The following MYRF variants were observed in gnomAD, a reference collection of about 807,000 sequenced individuals.
The protein encoded by MYRF is myelin gene regulatory factor.
In MYRF, 16 loss-of-function variants were observed where a neutral mutation model predicts 126.3. The ratio of observed to expected loss-of-function variants is 0.13; its 90% CI spans 0.09 to 0.19. The LOEUF is 0.19. MYRF is among the 10% of genes least tolerant of loss of function. The pLI, the probability that MYRF is intolerant of heterozygous loss-of-function variation, is 1.00. For synonymous variants in MYRF, 608 were observed against 635.3 expected (o/e 0.96, Z 0.65); for missense variants, 1,104 against 1,547.0 (o/e 0.71, Z 4.80).
intron 14 of MYRF, 80 bp from the exon 15 acceptor site, chr11:61,779,183 A>G (rs2066472413): frequency 1.4e-6 from 2 of 1,441,192 alleles, no homozygotes; most frequent in African/African-American, 1.4e-5. Context: ...CTGCCCCCTG[A>G]TGTCTGGCAG....
chr11:61,783,511 A>G lies in MYRF; in HGVS notation c.3030A>G (p.Ala1010=), dbSNP rs755619124. 6.2e-7 allele frequency: 1 copy of G among 1,613,698 alleles called. No individual in the cohort carries two copies. The highest frequency in any genetic ancestry group is 8.5e-7 in the Non-Finnish European group (1 of 1,179,912). Residue 1010 remains alanine (A), a synonymous_variant, in exon 23 of 27, where the codon GCA becomes GCG. Transcript: ENST00000278836. The surrounding 1 kb of genome is among the most constrained non-coding windows in gnomAD (Gnocchi z 4.6). ...WAQGQSASLL[A]EPVPSLTSIQ... is the part of the protein sequence containing the mutation. ...CTGCCCCAACAGCCTCTCTCCTTGCAGAGCCAGTGCCCTCCCTGACCTCCA... is the reference window on the plus strand; with the variant it reads ...CTGCCCCAACAGCCTCTCTCCTTGCGGAGCCAGTGCCCTCCCTGACCTCCA...
chr11:61,772,549 G>A (rs2066257307), intron 7 of MYRF, among the ~76,000 whole-genome samples: 1 of 152,374 alleles, frequency 6.6e-6, no homozygotes, highest in East Asian at 1.9e-4. Context: ...GGCTTTGGGG[G>A]AATTCTTAGC....
intron 1 of MYRF, among the ~76,000 whole-genome samples, 195 bp from the exon 2 acceptor site, chr11:61,765,430 C>T (rs1468449978): frequency 6.6e-6 from 1 of 152,078 alleles, no homozygotes; most frequent in Admixed American, 6.5e-5. Context: ...GGCGGGGGGG[C>T]ATTATCAGTG....
In MYRF at chr11:61,779,554, C is replaced by T. The variant is rs751382867; in HGVS notation, c.2231C>T (p.Pro744Leu). The T allele has an allele frequency of 2.0e-6, 3 of 1,503,926 alleles. No individual in the cohort carries two copies. The South Asian group carries it at 4.1e-5, about 21-fold the overall frequency. 93.2% of individuals were successfully genotyped at this position (1,503,926 alleles called of 1,614,324 possible). ...AGCGTCCCCCACAAGAAGAGGCCCC[C>T]CAAGGTGGCCAGCAAGGTAGGGGTG... ...AGSVPHKKRP[P>L]KVASKSSSVV... Residue 744 changes from proline (P) to leucine (L), a missense_variant, in exon 16 of 27, where the codon CCC becomes CTC. Physicochemically the swap from Pro to Leu is moderately conservative, Grantham distance 98 (BLOSUM62 -3). Around this residue, in one of 10 missense-constraint regions of MYRF, gnomAD observed 323 missense variants for 383.1 expected, o/e 0.84. Transcript: ENST00000278836.
intron 1 of MYRF, among the ~76,000 whole-genome samples, chr11:61,754,781 G>A (rs555928421): frequency 7.9e-5 from 12 of 152,318 alleles, no homozygotes; most frequent in Admixed American, 3.3e-4. Flanking sequence ...GAGGCTGCCC[G>A]TCTAGGAGGG....
At chr11:61,785,481 G>A (rs2066670821) in intron 25 of MYRF, 1 of 369,296 alleles carries the variant, frequency 2.7e-6, no homozygotes, top group Non-Finnish European at 5.0e-6. Flanking sequence ...GGATTGTACT[G>A]AGGATGGGGC....
In MYRF at chr11:61,772,054, C is replaced by T; in HGVS notation, c.1115+102C>T. On this transcript the variant is annotated intron_variant, in intron 7 of 26. Coordinates refer to ENST00000278836, the MANE Select transcript of MYRF (RefSeq NM_001127392.3). Reference sequence around the variant, plus strand: ...TCCTGGAGCAGGGCCTGGGAGCACTCATTTCACAGAAGAGCAAACAGGCTC... The same window carrying T: ...TCCTGGAGCAGGGCCTGGGAGCACTTATTTCACAGAAGAGCAAACAGGCTC... 3 of 1,494,116 alleles carry T rather than the reference C, an allele frequency of 2.0e-6. 1 individual carries two copies. The highest frequency in any genetic ancestry group is 2.5e-5 in the South Asian group (2 of 78,888). 92.6% of individuals were successfully genotyped at this position (1,494,116 alleles called of 1,614,324 possible).
Position 61,773,959 on chromosome 11 carries a change from C to T in MYRF, c.1116-8C>T, listed in dbSNP as rs374279352. ...GCCTCAGGGGAGTGCCCTCACCCGC[C>T]CCCCCAGGCCCATGCTCACCTACCG... is the stretch of plus-strand genomic sequence containing the variant. On this transcript the variant is annotated splice_region_variant and splice_polypyrimidine_tract_variant and intron_variant, in intron 7 of 26. Coordinates refer to ENST00000278836, the MANE Select transcript of MYRF (RefSeq NM_001127392.3). 69 of 1,599,230 alleles carry T rather than the reference C, an allele frequency of 4.3e-5. No homozygotes were observed. The highest frequency in any genetic ancestry group is 3.3e-4 in the Middle Eastern group (2 of 5,990).
At position 61,780,747 on chromosome 11, in the gene MYRF, TGCTCCG is replaced by T. The variant is rs753370778; in HGVS notation, c.2444_2449del (p.Leu815_Arg816del). 1 of 1,549,056 alleles carries T rather than the reference TGCTCCG, an allele frequency of 6.5e-7. No homozygotes were observed. The highest frequency in any genetic ancestry group is 1.2e-5 in the South Asian group (1 of 84,086). On this transcript the variant is annotated inframe_deletion, in exon 19 of 27. Coordinates refer to ENST00000278836, the MANE Select transcript of MYRF (RefSeq NM_001127392.3). ...GTGTCCACTTCCTGTCTCCTGGCCC[TGCTCCG>T]GCCCCAGCCCCCTGGGGGGAGTGAG...
chr11:61,770,542 TG>T lies in MYRF; in HGVS notation c.740+19del. ...CGGAGCTGAGTAAGACGTGGGTGGC[TG>T]GCTCCATGGGGTGGGAAGGTGGGGT... On this transcript the variant is annotated intron_variant, in intron 5 of 26. Coordinates refer to ENST00000278836, the MANE Select transcript of MYRF (RefSeq NM_001127392.3). The T allele has an allele frequency of 6.5e-7, 1 of 1,532,042 alleles. No individual in the cohort carries two copies. Among genetic ancestry groups the T allele is most frequent in the Non-Finnish European group, 8.8e-7 (1 of 1,135,724 alleles). The allele number at this position is 1,532,042 out of a possible 1,614,324, so 94.9% of individuals were successfully genotyped here.
At chr11:61,762,829 G>A (rs982807270) in intron 1 of MYRF, among the ~76,000 whole-genome samples, 6 of 152,050 alleles carry the variant, frequency 3.9e-5, no homozygotes, top group East Asian at 3.9e-4. Flanking sequence ...TGGCCTCCCC[G>A]CAACGCTGCC....
At chr11:61,775,240 G>A (rs1393891954) in intron 8 of MYRF, among the ~76,000 whole-genome samples, 7 of 152,186 alleles carry the variant, frequency 4.6e-5, no homozygotes, top group Non-Finnish European at 4.4e-5. Flanking sequence ...TGTCCTCCCA[G>A]CAAAGCCCCG....
At chr11:61,767,208 C>T (rs2066088568) in intron 3 of MYRF, 1 of 456,600 alleles carries the variant, frequency 2.2e-6, no homozygotes, top group South Asian at 1.5e-5. Flanking sequence ...CTGCAGAAGG[C>T]AAACTGTTTG....
intron 1 of MYRF, among the ~76,000 whole-genome samples, chr11:61,765,224 C>G (rs1016610307): frequency 6.6e-6 from 1 of 152,228 alleles, no homozygotes; most frequent in East Asian, 1.9e-4. Context: ...GGGCTCTCGA[C>G]TCAGTAAGCA....
intron 1 of MYRF, among the ~76,000 whole-genome samples, chr11:61,759,970 A>G (rs185228158): frequency 3.3e-5 from 5 of 151,928 alleles, no homozygotes; most frequent in Admixed American, 2.0e-4. Context: ...GCTAGCAGTT[A>G]TAGATTTTTT....
At chr11:61,759,436 G>A (rs985548238) in intron 1 of MYRF, among the ~76,000 whole-genome samples, 1 of 152,182 alleles carries the variant, frequency 6.6e-6, no homozygotes, top group Non-Finnish European at 1.5e-5. Flanking sequence ...TTGGGAGGCC[G>A]AGGCAGGTGG....
At position 61,777,171 on chromosome 11, in the gene MYRF, G is replaced by T; in HGVS notation, c.1591-93G>T. 1 of 1,331,558 alleles carries T rather than the reference G, an allele frequency of 7.5e-7. No homozygotes were observed. The highest frequency in any genetic ancestry group is 1.0e-6 in the Non-Finnish European group (1 of 957,608). 82.5% of individuals were successfully genotyped at this position (1,331,558 alleles called of 1,614,324 possible). ...TGCAGTGAGAAACCCTGGCTGGAAG[G>T]GGAGGGGCTGCTGTGGAGTTTCCCC... On this transcript the variant is annotated intron_variant, in intron 11 of 26. Transcript: ENST00000278836. This position sits in a 1 kb window ranked among gnomAD's most constrained non-coding sequence, Gnocchi z 8.8.
intron 1 of MYRF, among the ~76,000 whole-genome samples, chr11:61,756,464 G>A (rs2065759481): frequency 1.3e-5 from 2 of 152,050 alleles, no homozygotes; most frequent in Admixed American, 6.5e-5. Context: ...ACTGTGGCCC[G>A]TGTCAGCCTG....
intron 8 of MYRF, 144 bp from the exon 9 acceptor site, chr11:61,775,912 C>A: frequency 2.8e-6 from 2 of 716,766 alleles, no homozygotes; most frequent in Non-Finnish European, 2.4e-6. Flanking sequence ...GGCATCTGAG[C>A]TTGTGGGAAT....
Sources: gnomAD v4.1 joint callset for allele counts (sites outside exome capture counted in the v4.1 genomes callset) on GRCh38, gnomAD v4.1.1 for gene constraint, gnomAD v4.1.1 regional missense constraint, Gnocchi (gnomAD v3.1) non-coding constraint, MANE v1.5 for transcripts, NCBI Gene and HGNC (gene_info 2026-07-23, HGNC 2026-07-21) for gene names.